The following GAS2L3 variants were observed in gnomAD, a reference collection of about 807,000 sequenced individuals.
GAS2L3 encodes the protein growth arrest specific 2 like 3.
In GAS2L3, 28 loss-of-function variants were observed where a neutral mutation model predicts 37.0. The ratio of observed to expected loss-of-function variants is 0.76; its 90% confidence interval spans 0.56 to 1.04. The LOEUF (loss-of-function observed/expected upper bound fraction) is 1.04. GAS2L3 is among the 50% of genes least tolerant of loss of function. The probability of loss-of-function intolerance (pLI) is 0.00; values close to 1 mark genes in which losing one functional copy is unlikely to be tolerated. For missense variants in GAS2L3, 793 were observed against 817.6 expected, an observed-to-expected ratio of 0.97 and a Z score of 0.37; for synonymous variants, 290 against 296.6, an observed-to-expected ratio of 0.98 and a Z score of 0.23.
At chr12:100,596,952 A>T (rs1955920056) in intron 3 of GAS2L3, among the ~76,000 whole-genome samples, 1 of 152,088 alleles carries the variant, frequency 6.6e-6, no homozygotes, top group African/African-American at 2.4e-5. Context: ...GTTTGAGAAC[A>T]ATCTTCATAC....
At position 100,624,383 on chromosome 12, in the gene GAS2L3, C is replaced by A. The variant is rs1045603; in HGVS notation, c.1578C>A (p.Ser526=). The A allele has an allele frequency of 1.5e-5, 24 of 1,613,788 alleles. No homozygotes were observed. In the South Asian group the frequency reaches 2.6e-4, roughly 18 times the overall value. Residue 526 remains serine (S), a synonymous_variant, in exon 10 of 10, where the codon TCC becomes TCA. Transcript: ENST00000547754. ...QSSAKMTKTS[S]KTIATGLGTQ... ...CTGCAAAAATGACAAAAACCAGTTCCAAAACCATAGCCACGGGTCTAGGAA... is the reference window on the plus strand; with the variant it reads ...CTGCAAAAATGACAAAAACCAGTTCAAAAACCATAGCCACGGGTCTAGGAA...
intron 2 of GAS2L3, 48 bp downstream of exon 2, chr12:100,591,904 A>C (rs1002893876): frequency 2.0e-5 from 3 of 152,266 alleles, no homozygotes; most frequent in Admixed American, 6.5e-5. Flanking sequence ...TATGATTGGT[A>C]TAGATATATT....
At chr12:100,604,850 G>T (rs1389908966) in intron 5 of GAS2L3, among the ~76,000 whole-genome samples, 1 of 151,962 alleles carries the variant, frequency 6.6e-6, no homozygotes, top group Non-Finnish European at 1.5e-5. Context: ...TAGTTGAAAT[G>T]ATATATACGG....
chr12:100,578,049 C>T (rs1207184590), intron 1 of GAS2L3, among the ~76,000 whole-genome samples: 1 of 152,166 alleles, frequency 6.6e-6, no homozygotes, highest in Non-Finnish European at 1.5e-5. Context: ...AGTAAAATGT[C>T]CTTGGATCAG....
intron 1 of GAS2L3, among the ~76,000 whole-genome samples, chr12:100,577,003 T>A (rs1955645845): frequency 6.6e-6 from 1 of 152,176 alleles, no homozygotes; most frequent in Non-Finnish European, 1.5e-5. Context: ...ATATTAGCTA[T>A]GGTGAAGGGC....
chr12:100,608,826 T>G (rs1331297751), intron 5 of GAS2L3, among the ~76,000 whole-genome samples: 4 of 152,142 alleles, frequency 2.6e-5, no homozygotes, highest in African/African-American at 9.7e-5. Flanking sequence ...TCTTAAACCT[T>G]AGAAATTTAC....
rs770542445 is a variant in GAS2L3 at position 100,623,657 on chromosome 12, G to C, written c.852G>C (p.Gln284His). Residue 284 changes from glutamine (Q) to histidine (H), a missense_variant, in exon 10 of 10, where the codon CAG (glutamine) becomes CAC (histidine). Physicochemically the swap from Gln to His is conservative, Grantham distance 24. Transcript: ENST00000547754. Reference sequence around the variant, plus strand: ...AATATGACCCCTGTCGAATATTACAGTTTGCCACATTAGAACAAAAAATTT... The same window carrying C: ...AATATGACCCCTGTCGAATATTACACTTTGCCACATTAGAACAAAAAATTT... Reference protein sequence around the residue: ...LLKYDPCRILQFATLEQKILA... With the variant: ...LLKYDPCRILHFATLEQKILA... 3.7e-6 allele frequency: 6 copies of C among 1,613,808 alleles called. No individual in the cohort carries two copies. The African/African-American group carries it at 6.7e-5, about 18-fold the overall frequency.
At chr12:100,575,806 T>C (rs1163994374) in intron 1 of GAS2L3, among the ~76,000 whole-genome samples, 2 of 152,110 alleles carry the variant, frequency 1.3e-5, no homozygotes, top group African/African-American at 4.8e-5. Flanking sequence ...GGGACAAAAC[T>C]GAAGCTCAAA....
chr12:100,600,542 G>C lies in GAS2L3; in HGVS notation c.179G>C (p.Gly60Ala), dbSNP rs749291656. 2.5e-6 allele frequency: 4 copies of C among 1,612,700 alleles called. No individual in the cohort carries two copies. In the East Asian group the frequency reaches 8.9e-5, roughly 36 times the overall value. The part of the protein sequence containing the change: ...MQEDLSIWLS[G>A]LLGIKVKAEK... ...GAAGATCTGTCAATCTGGTTATCTGGTTTATTAGGTGAGGCTTGAAACAAT... is the reference window on the plus strand; with the variant it reads ...GAAGATCTGTCAATCTGGTTATCTGCTTTATTAGGTGAGGCTTGAAACAAT... The change falls in exon 4 of 10, where the codon GGT (glycine) becomes GCT (alanine). Residue 60 changes from glycine (G) to alanine (A), a missense_variant. Coordinates refer to ENST00000547754, the MANE Select transcript of GAS2L3 (RefSeq NM_174942.3).
intron 5 of GAS2L3, among the ~76,000 whole-genome samples, chr12:100,602,681 A>G (rs1349774213): frequency 6.6e-6 from 1 of 152,072 alleles, no homozygotes; most frequent in Non-Finnish European, 1.5e-5. Flanking sequence ...TAAATGTACA[A>G]TTAAATTATT....
Position 100,618,491 on chromosome 12 carries a change from A to C in GAS2L3, c.552A>C (p.Glu184Asp), listed in dbSNP as rs1002734539. 1.2e-6 allele frequency: 2 copies of C among 1,611,884 alleles called. No homozygotes were observed. Among genetic ancestry groups the C allele is most frequent in the Non-Finnish European group, 8.5e-7 (1 of 1,179,132 alleles). Residue 184 changes from glutamate to aspartate, a missense_variant, in exon 8 of 10, where the codon GAA becomes GAC. Coordinates refer to ENST00000547754, the MANE Select transcript of GAS2L3 (RefSeq NM_174942.3). Reference sequence around the variant, plus strand: ...CAGTGTTAGTAAAACTTGAGAAAGAAATTGAGTTAGAAGAGACTTTGCTTA... The same window carrying C: ...CAGTGTTAGTAAAACTTGAGAAAGACATTGAGTTAGAAGAGACTTTGCTTA... The part of the protein sequence containing the change: ...EPPVLVKLEK[E>D]IELEETLLNT...
chr12:100,624,215 A>T lies in GAS2L3; in HGVS notation c.1410A>T (p.Gln470His). 6.2e-7 allele frequency: 1 copy of T among 1,614,116 alleles called. No individual in the cohort carries two copies. Among genetic ancestry groups the T allele is most frequent in the Non-Finnish European group, 8.5e-7 (1 of 1,180,012 alleles). Reference sequence around the variant, plus strand: ...CAAATAAGTGTTCAGGAAAAACTCAACCTAAGTATTTGAAACATAATCATA... The same window carrying T: ...CAAATAAGTGTTCAGGAAAAACTCATCCTAAGTATTTGAAACATAATCATA... ...LLPNKCSGKT[Q>H]PKYLKHNHIS... Residue 470 changes from glutamine to histidine, a missense_variant, in exon 10 of 10, where the codon CAA becomes CAT. Physicochemically the swap from Gln to His is conservative, Grantham distance 24. Transcript: ENST00000547754.
intron 5 of GAS2L3, among the ~76,000 whole-genome samples, chr12:100,604,407 G>T (rs1363256288): frequency 6.7e-6 from 1 of 149,474 alleles, no homozygotes; most frequent in African/African-American, 2.5e-5. Flanking sequence ...GCACAAAAAT[G>T]CTACAGATTT....
In GAS2L3 at chr12:100,628,147, G is replaced by T. The variant is rs1457510856; in HGVS notation, c.*3257G>T. On this transcript the variant is annotated 3_prime_UTR_variant, in exon 10 of 10. Transcript: ENST00000547754. The stretch of plus-strand genomic sequence containing the variant: ...TATTAAAAGGCTTCAACAACAGGTT[G>T]TTAGGATGTAGTCTTACATCCAGGT... 2 of 152,182 alleles carry T rather than the reference G, an allele frequency of 1.3e-5. No homozygotes were observed. The highest frequency in any genetic ancestry group is 2.9e-5 in the Non-Finnish European group (2 of 68,018). The allele number at this position is 152,182 out of a possible 1,614,324, so 9.4% of individuals were successfully genotyped here. A position where few individuals can be genotyped will look rare whatever the true frequency, so the allele number is the denominator to read the frequency against.
intron 1 of GAS2L3, among the ~76,000 whole-genome samples, chr12:100,587,040 C>A (rs1404969384): frequency 5.3e-5 from 8 of 151,942 alleles, no homozygotes; most frequent in Admixed American, 2.0e-4. Flanking sequence ...AATTAGATAC[C>A]CTGAACAGAC....
At chr12:100,582,515 C>T (rs1332268874) in intron 1 of GAS2L3, among the ~76,000 whole-genome samples, 11 of 152,178 alleles carry the variant, frequency 7.2e-5, no homozygotes, top group Admixed American at 6.5e-5. Flanking sequence ...TTTGGAAACA[C>T]ATTGTTCTAC....
Position 100,623,972 on chromosome 12 carries a change from A to G in GAS2L3, c.1167A>G (p.Lys389=). ...CTCATCCCAAGCTCAAGTCTTCAAA[A>G]GGCATAACGAAGAAACCGCAGGCTC... ...ASSHPKLKSS[K]GITKKPQAPS... is the part of the protein sequence containing the mutation. Residue 389 remains lysine (K), a synonymous_variant, in exon 10 of 10, where the codon AAA becomes AAG. Coordinates refer to ENST00000547754, the MANE Select transcript of GAS2L3 (RefSeq NM_174942.3). The G allele has an allele frequency of 6.2e-7, 1 of 1,614,104 alleles. No individual in the cohort carries two copies. Among genetic ancestry groups the G allele is most frequent in the South Asian group, 1.1e-5 (1 of 91,082 alleles).
In GAS2L3 at chr12:100,618,449, A is replaced by G; in HGVS notation, c.510A>G (p.Arg170=). ...CLLEIGRIVS[R]YGVEPPVLVK... ...ATCAGATCTCCTGGTTGGTTTTCAGATACGGGGTTGAGCCACCAGTGTTAG... is the reference window on the plus strand; with the variant it reads ...ATCAGATCTCCTGGTTGGTTTTCAGGTACGGGGTTGAGCCACCAGTGTTAG... The change falls in exon 8 of 10, where the codon AGA becomes AGG. Residue 170 remains arginine, a splice_region_variant and synonymous_variant. Transcript: ENST00000547754. The G allele has an allele frequency of 1.2e-6, 2 of 1,604,486 alleles. No individual in the cohort carries two copies. Among genetic ancestry groups the G allele is most frequent in the Non-Finnish European group, 1.7e-6 (2 of 1,176,158 alleles).
At position 100,623,663 on chromosome 12, in the gene GAS2L3, C is replaced by T. The variant is rs1291021714; in HGVS notation, c.858C>T (p.Ala286=). ...KYDPCRILQF[A]TLEQKILAFQ... is the part of the protein sequence containing the mutation. Reference sequence around the variant, plus strand: ...ACCCCTGTCGAATATTACAGTTTGCCACATTAGAACAAAAAATTTTAGCAT... The same window carrying T: ...ACCCCTGTCGAATATTACAGTTTGCTACATTAGAACAAAAAATTTTAGCAT... The change falls in exon 10 of 10, where the codon GCC becomes GCT. Residue 286 remains alanine (A), a synonymous_variant. Coordinates refer to ENST00000547754, the MANE Select transcript of GAS2L3 (RefSeq NM_174942.3). The T allele has an allele frequency of 1.9e-6, 3 of 1,613,840 alleles. No homozygotes were observed. The highest frequency in any genetic ancestry group is 2.7e-5 in the African/African-American group (2 of 74,890).
Sources: gnomAD v4.1 joint callset for allele counts (sites outside exome capture counted in the v4.1 genomes callset) on GRCh38, gnomAD v4.1.1 for gene constraint, MANE v1.5 for transcripts, NCBI Gene and HGNC (gene_info 2026-07-23, HGNC 2026-07-21) for gene names.